The following SLC4A4 variants were observed in gnomAD, a reference collection of about 807,000 sequenced individuals.
The protein encoded by SLC4A4 is solute carrier family 4 member 4, also known as electrogenic sodium bicarbonate cotransporter 1.
Under a neutral mutation model 111.5 loss-of-function variants are expected in SLC4A4, and 27 were observed. The observed-to-expected ratio is 0.24, with a 90% confidence interval of 0.18 to 0.33. SLC4A4 has a LOEUF of 0.33. SLC4A4 is among the 10% of genes least tolerant of loss of function. The probability of loss-of-function intolerance (pLI) is 1.00; values close to 1 mark genes in which losing one functional copy is unlikely to be tolerated. For missense variants in SLC4A4, 909 were observed against 1,315.5 expected (o/e 0.69, Z 4.78); for synonymous variants, 443 against 463.4 (o/e 0.96, Z 0.57).
rs775974286 is a variant in SLC4A4 at position 71,440,600 on chromosome 4, G to T, written c.808-16G>T. The T allele has an allele frequency of 1.2e-6, 2 of 1,613,982 alleles. No homozygotes were observed. The highest frequency in any genetic ancestry group is 2.2e-5 in the South Asian group (2 of 91,060). On this transcript the variant is annotated splice_polypyrimidine_tract_variant and intron_variant, in intron 7 of 25. Coordinates refer to ENST00000264485, the MANE Select transcript of SLC4A4 (RefSeq NM_001098484.3). ...TTGTGGAACTAAATTGTGTTTCCTT[G>T]GTTCTTCTCATGCAGCTGAAGAATA...
intron 14 of SLC4A4, among the ~76,000 whole-genome samples, chr4:71,478,501 C>T (rs901265514): frequency 6.6e-6 from 1 of 151,590 alleles, no homozygotes; most frequent in Admixed American, 6.6e-5. Flanking sequence ...AGCAAACTAA[C>T]ATAGGAACAG....
chr4:71,234,932 A>G (rs1406485976), intron 1 of SLC4A4, among the ~76,000 whole-genome samples: 2 of 152,192 alleles, frequency 1.3e-5, no homozygotes, highest in African/African-American at 2.4e-5. Context: ...TCTTAATGCT[A>G]TTGTCCACCA....
chr4:71,110,362 A>G (rs532897920), intron 2 of SLC4A4, among the ~76,000 whole-genome samples: 19 of 152,076 alleles, frequency 1.2e-4, no homozygotes, highest in Non-Finnish European at 2.1e-4. Flanking sequence ...CTACAGGCAC[A>G]TGTTACCATG....
Position 71,546,394 on chromosome 4 carries a change from C to T in SLC4A4, c.2487C>T (p.Leu829=), listed in dbSNP as rs1181297473. ...YHLDLFWVAI[L]MVICSLMALP... is the part of the protein sequence containing the mutation. ...TGGATCTCTTTTGGGTGGCCATCCT[C>T]ATGGTTATATGCTCCCTCATGGCTC... The change falls in exon 19 of 26, where the codon CTC becomes CTT. Residue 829 remains leucine (L), a synonymous_variant. Coordinates refer to ENST00000264485, the MANE Select transcript of SLC4A4 (RefSeq NM_001098484.3). The T allele has an allele frequency of 6.2e-7, 1 of 1,612,954 alleles. No homozygotes were observed. The highest frequency in any genetic ancestry group is 8.5e-7 in the Non-Finnish European group (1 of 1,179,162).
chr4:71,188,006 A>G (rs1745567058), intron 1 of SLC4A4, among the ~76,000 whole-genome samples: 1 of 152,238 alleles, frequency 6.6e-6, no homozygotes, highest in Admixed American at 6.5e-5. Flanking sequence ...TAGGGGAGGC[A>G]TAGGTTAAAC....
At chr4:71,412,108 G>T (rs1239476288) in intron 7 of SLC4A4, among the ~76,000 whole-genome samples, 1 of 152,212 alleles carries the variant, frequency 6.6e-6, no homozygotes, top group Non-Finnish European at 1.5e-5. Context: ...TTAAGATGGA[G>T]AATGATCTTG....
Position 71,434,182 on chromosome 4 carries a change from A to G in SLC4A4, c.808-6434A>G, listed in dbSNP as rs750629233. 6.6e-5 allele frequency among the ~76,000 whole-genome samples: 10 copies of G among 152,160 alleles called. 1 individual carries two copies. The highest frequency in any genetic ancestry group is 1.2e-4 in the Non-Finnish European group (8 of 67,932). On this transcript the variant is annotated intron_variant, in intron 7 of 25. Transcript: ENST00000264485. Reference sequence around the variant, plus strand: ...TGTTGGTGTGGGATGTTTTTTCTTTAAAAATGAAGATTGAAACAAACATGA... The same window carrying G: ...TGTTGGTGTGGGATGTTTTTTCTTTGAAAATGAAGATTGAAACAAACATGA...
At chr4:71,128,439 A>G (rs1281553569) in intron 2 of SLC4A4, among the ~76,000 whole-genome samples, 8 of 152,132 alleles carry the variant, frequency 5.3e-5, no homozygotes, top group Non-Finnish European at 5.9e-5. Context: ...ACAGAGCCAA[A>G]CCATATCAAA....
At chr4:71,472,627 A>G (rs1727988241) in intron 13 of SLC4A4, 72 bp from the exon 14 acceptor site, 1 of 1,469,440 alleles carries the variant, frequency 6.8e-7, no homozygotes, top group South Asian at 1.2e-5. Flanking sequence ...TTCTGTAGAC[A>G]TTTGGTAGTT....
rs1377534 is a variant in SLC4A4, at chr4:71,551,268, A to G, written c.2694+3548A>G. Reference sequence around the variant, plus strand: ...AAGTTAATTAGGAGTAGTCAAATTTATCTTTAAGATTTGTTTAGTGTTCTA... The same window carrying G: ...AAGTTAATTAGGAGTAGTCAAATTTGTCTTTAAGATTTGTTTAGTGTTCTA... On this transcript the variant is annotated intron_variant, in intron 20 of 25. Transcript: ENST00000264485. Among the ~76,000 whole-genome samples, 27 of 152,036 alleles carry G rather than the reference A, an allele frequency of 1.8e-4. No individual in the cohort carries two copies. The South Asian group carries it at 5.4e-3, about 30-fold the overall frequency.
At chr4:71,361,251 A>G (rs937113842) in intron 6 of SLC4A4, among the ~76,000 whole-genome samples, 7 of 152,214 alleles carry the variant, frequency 4.6e-5, no homozygotes, top group Non-Finnish European at 1.0e-4. Context: ...CGGTTTTCAA[A>G]CATTTACTGG....
intron 2 of SLC4A4, among the ~76,000 whole-genome samples, chr4:71,246,737 C>G (rs1720685305): frequency 1.3e-5 from 1 of 79,558 alleles, no homozygotes; most frequent in African/African-American, 2.7e-5. Flanking sequence ...CGTTATTATT[C>G]TTTTGGCTGT....
rs535107213 is a variant in SLC4A4 at position 71,429,115 on chromosome 4, A to G, written c.808-11501A>G. 4.6e-5 allele frequency among the ~76,000 whole-genome samples: 7 copies of G among 152,230 alleles called. No individual in the cohort carries two copies. In the South Asian group the frequency reaches 1.5e-3, roughly 32 times the overall value. ...CTATAATATCCTGGATCTACAGGTG[A>G]TGCTGCAGGTCTGAGAGCAATGGTA... On this transcript the variant is annotated intron_variant, in intron 7 of 25. Transcript: ENST00000264485.
chr4:71,376,867 T>C (rs79934821), intron 6 of SLC4A4, among the ~76,000 whole-genome samples: 7,630 of 151,720 alleles, frequency 0.05, 422 homozygotes, highest in East Asian at 0.14. Context: ...GAACTCCTGG[T>C]GTCAAGTTAT....
intron 2 of SLC4A4, among the ~76,000 whole-genome samples, chr4:71,103,066 T>A (rs1192560563): frequency 8.6e-5 from 13 of 150,994 alleles, no homozygotes; most frequent in South Asian, 2.1e-4. Context: ...AAATAAAAGG[T>A]TGGAGGAAGA....
At chr4:71,181,796 C>T (rs375207571) in intron 2 of SLC4A4, among the ~76,000 whole-genome samples, 1 of 152,108 alleles carries the variant, frequency 6.6e-6, no homozygotes, top group Non-Finnish European at 1.5e-5. Context: ...TCAGAAAGAC[C>T]TTCCTTGACC....
At chr4:71,370,805 C>T (rs1225034291) in intron 6 of SLC4A4, among the ~76,000 whole-genome samples, 5 of 151,896 alleles carry the variant, frequency 3.3e-5, no homozygotes, top group Non-Finnish European at 2.9e-5. Context: ...GTATTTTTGT[C>T]GATAAAGTGT....
chr4:71,471,309 G>C (rs1190536577), intron 13 of SLC4A4, among the ~76,000 whole-genome samples: 1 of 151,956 alleles, frequency 6.6e-6, no homozygotes, highest in Non-Finnish European at 1.5e-5. Context: ...GCTATTGAAA[G>C]ATTTAAGCTA....
At chr4:71,515,413 AT>A (rs1231597271) in intron 16 of SLC4A4, among the ~76,000 whole-genome samples, 2 of 152,212 alleles carry the variant, frequency 1.3e-5, no homozygotes, top group Non-Finnish European at 2.9e-5. Flanking sequence ...CCTGGATAAC[AT>A]TCCATGTGCT....
Sources: gnomAD v4.1 joint callset for allele counts (sites outside exome capture counted in the v4.1 genomes callset) on GRCh38, gnomAD v4.1.1 for gene constraint, MANE v1.5 for transcripts, NCBI Gene and HGNC (gene_info 2026-07-23, HGNC 2026-07-21) for gene names.